ADSS2: variants seen among roughly 807,000 people sequenced by gnomAD.
The protein encoded by ADSS2 is adenylosuccinate synthase 2.
ADSS2 carries 30 observed loss-of-function variants against 60.0 expected under a neutral mutation model. The ratio of observed to expected loss-of-function variants is 0.50; its 90% CI spans 0.37 to 0.68. ADSS2 has a LOEUF of 0.68. Among genes scored for constraint, ADSS2 ranks in the 30% least tolerant of loss-of-function variants. The pLI, the probability that ADSS2 is intolerant of heterozygous loss-of-function variation, is 0.00. For missense variants in ADSS2, 373 were observed against 554.8 expected, an observed-to-expected ratio of 0.67 and a Z score of 3.29; for synonymous variants, 187 against 193.1, an observed-to-expected ratio of 0.97 and a Z score of 0.26.
Position 244,451,107 on chromosome 1 carries a change from G to A in ADSS2, c.183+528C>T, listed in dbSNP as rs1025622594. 2.0e-5 allele frequency among the ~76,000 whole-genome samples: 3 copies of A among 152,214 alleles called. No individual in the cohort carries two copies. The highest frequency in any genetic ancestry group is 6.5e-5 in the Admixed American group (1 of 15,284). On this transcript the variant is annotated intron_variant, in intron 1 of 12. Coordinates refer to ENST00000366535, the MANE Select transcript of ADSS2 (RefSeq NM_001126.5). The surrounding 1 kb of genome is among the most constrained non-coding windows in gnomAD (Gnocchi z 6.6). ...GACCAGAGGAAGCAAAGCACTGCAT[G>A]CCACGGTCCTGCAGATGGGGGATCG...
intron 11 of ADSS2, among the ~76,000 whole-genome samples, chr1:244,414,040 C>T (rs542015185): frequency 3.9e-5 from 6 of 152,192 alleles, no homozygotes; most frequent in African/African-American, 9.6e-5. Context: ...GGGTTTTCCA[C>T]GTAACTACAC....
At chr1:244,426,393 C>G (rs1664803561) in intron 4 of ADSS2, among the ~76,000 whole-genome samples, 1 of 152,062 alleles carries the variant, frequency 6.6e-6, no homozygotes, top group Non-Finnish European at 1.5e-5. Context: ...CTTGGTTTTT[C>G]TAGGCCCCAG....
intron 6 of ADSS2, 99 bp from the exon 7 acceptor site, chr1:244,423,015 T>A: frequency 1.4e-6 from 1 of 727,166 alleles, no homozygotes; most frequent in Non-Finnish European, 2.2e-6. Flanking sequence ...TAAATGATCT[T>A]AACAGCAAAT....
chr1:244,409,377 T>A lies in ADSS2; in HGVS notation c.*209A>T. ...GAGAGCAGCAGGAGCAACAAATGAT[T>A]TGGCAATTCCAGCTAAAGAAAGCTG... On this transcript the variant is annotated 3_prime_UTR_variant, in exon 13 of 13. Transcript: ENST00000366535. 2.2e-6 allele frequency: 1 copy of A among 445,280 alleles called. No homozygotes were observed. Among genetic ancestry groups the A allele is most frequent in the Non-Finnish European group, 4.0e-6 (1 of 251,918 alleles). The allele number at this position is 445,280 out of a possible 1,614,324, so 27.6% of individuals were successfully genotyped here. A position where few individuals can be genotyped will look rare whatever the true frequency, so the allele number is the denominator to read the frequency against.
In ADSS2 at chr1:244,451,079, G is replaced by A. The variant is rs1420210251; in HGVS notation, c.183+556C>T. On this transcript the variant is annotated intron_variant, in intron 1 of 12. Transcript: ENST00000366535. This position sits in a 1 kb window ranked among gnomAD's most constrained non-coding sequence, Gnocchi z 6.6. ...GTGGGTGGGTTTGGATGTCAACAAA[G>A]TGGACCAGAGGAAGCAAAGCACTGC... Among the ~76,000 whole-genome samples, 1 of 152,194 alleles carries A rather than the reference G, an allele frequency of 6.6e-6. No individual in the cohort carries two copies. Among genetic ancestry groups the A allele is most frequent in the African/African-American group, 2.4e-5 (1 of 41,442 alleles).
In ADSS2 at chr1:244,415,603, G is replaced by C. The variant is rs1050345529; in HGVS notation, c.1168+378C>G. On this transcript the variant is annotated intron_variant, in intron 11 of 12. Coordinates refer to ENST00000366535, the MANE Select transcript of ADSS2 (RefSeq NM_001126.5). ...AGGATAGGGAGGGCTAATGTACTGA[G>C]AGCCAGCTTAACAAGGGCTCTTCTT... is the stretch of plus-strand genomic sequence containing the variant. Among the ~76,000 whole-genome samples the C allele has an allele frequency of 7.2e-5, 11 of 152,192 alleles. No homozygotes were observed. In the East Asian group the frequency reaches 1.3e-3, roughly 19 times the overall value.
At chr1:244,420,321 T>C in intron 7 of ADSS2, 25 bp from the exon 8 acceptor site, 1 of 1,585,508 alleles carries the variant, frequency 6.3e-7, no homozygotes, top group Non-Finnish European at 8.6e-7. Context: ...AAAAACCAAT[T>C]TCCATGTATA....
chr1:244,432,448 A>C, intron 4 of ADSS2, 97 bp downstream of exon 4: 1 of 915,300 alleles, frequency 1.1e-6, no homozygotes, highest in Non-Finnish European at 1.7e-6. Context: ...ACTTACGCTA[A>C]ATAAAAATAA....
chr1:244,411,538 G>C, intron 11 of ADSS2, 102 bp from the exon 12 acceptor site: 2 of 1,215,658 alleles, frequency 1.6e-6, no homozygotes, highest in Non-Finnish European at 2.3e-6. Context: ...AATCTTTGGA[G>C]CCACATATGT....
intron 10 of ADSS2, 129 bp downstream of exon 10, chr1:244,417,499 C>T (rs1351367114): frequency 9.5e-6 from 11 of 1,159,554 alleles, no homozygotes; most frequent in African/African-American, 3.1e-5. Context: ...TCTACTTCTG[C>T]CTGGCACTAC....
intron 4 of ADSS2, 129 bp downstream of exon 4, chr1:244,432,416 C>G: frequency 1.6e-6 from 1 of 633,132 alleles, no homozygotes; most frequent in East Asian, 3.5e-5. Flanking sequence ...GTATTTAGAA[C>G]TCAATTACTA....
chr1:244,412,575 G>A (rs1664439852), intron 11 of ADSS2, among the ~76,000 whole-genome samples: 1 of 152,118 alleles, frequency 6.6e-6, no homozygotes, highest in South Asian at 2.1e-4. Flanking sequence ...TTCACGAACT[G>A]GAGAAAGATA....
At chr1:244,433,942 C>T (rs572925157) in intron 3 of ADSS2, among the ~76,000 whole-genome samples, 12 of 148,080 alleles carry the variant, frequency 8.1e-5, no homozygotes, top group Admixed American at 4.0e-4. Context: ...AATTACTGTA[C>T]TTACTACAGT....
At chr1:244,447,268 G>C (rs934324962) in intron 1 of ADSS2, among the ~76,000 whole-genome samples, 1 of 152,138 alleles carries the variant, frequency 6.6e-6, no homozygotes, top group Admixed American at 6.5e-5. Flanking sequence ...GTTACAGAAA[G>C]AAAGCTATTA....
At chr1:244,445,490 T>C (rs1224227103) in intron 1 of ADSS2, among the ~76,000 whole-genome samples, 1 of 152,190 alleles carries the variant, frequency 6.6e-6, no homozygotes, top group Non-Finnish European at 1.5e-5. Flanking sequence ...ATTTGATGTT[T>C]AGTTTAAGGA....
At chr1:244,430,525 G>A (rs910103326) in intron 4 of ADSS2, among the ~76,000 whole-genome samples, 10 of 152,066 alleles carry the variant, frequency 6.6e-5, no homozygotes, top group East Asian at 3.8e-4. Context: ...CCTAAATTGC[G>A]GTATGCTGAT....
rs1356275555 is a variant in ADSS2, at chr1:244,422,870, C to T, written c.628G>A (p.Glu210Lys). The change falls in exon 7 of 13, where the codon GAA becomes AAA. Residue 210 changes from glutamate (E) to lysine (K), a missense_variant. Glu to Lys is a moderately conservative substitution (Grantham distance 56). Coordinates refer to ENST00000366535, the MANE Select transcript of ADSS2 (RefSeq NM_001126.5). ...NQYKSIYPTL[E>K]IDIEGELQKL... ...TGTAATTCACCTTCAATGTCTATTTCCAAAGTGGGGTATATAGATTTGTAT... is the reference window on the plus strand; with the variant it reads ...TGTAATTCACCTTCAATGTCTATTTTCAAAGTGGGGTATATAGATTTGTAT... 6.3e-7 allele frequency: 1 copy of T among 1,599,676 alleles called. No individual in the cohort carries two copies. The highest frequency in any genetic ancestry group is 8.6e-7 in the Non-Finnish European group (1 of 1,167,536).
chr1:244,440,699 TC>T (rs948943064), intron 1 of ADSS2, among the ~76,000 whole-genome samples: 9 of 152,230 alleles, frequency 5.9e-5, no homozygotes, highest in Non-Finnish European at 1.2e-4. Context: ...TTTTGGTCCT[TC>T]CTGAGGTGAT....
intron 12 of ADSS2, 77 bp downstream of exon 12, chr1:244,411,210 C>G: frequency 7.0e-7 from 1 of 1,422,498 alleles, no homozygotes; most frequent in East Asian, 2.3e-5. Flanking sequence ...CAGAGCGAGA[C>G]TCCGTCTCAA....
Sources: allele counts gnomAD v4.1 joint callset (sites outside exome capture counted in the v4.1 genomes callset), GRCh38; gene constraint gnomAD v4.1.1; non-coding constraint Gnocchi (gnomAD v3.1); transcripts MANE v1.5; gene names NCBI Gene and HGNC (gene_info 2026-07-23, HGNC 2026-07-21).